The following GABBR2 variants were observed in gnomAD, a reference collection of about 807,000 sequenced individuals.
The protein encoded by GABBR2 is gamma-aminobutyric acid type B receptor subunit 2, also known as G-protein coupled receptor 51.
In GABBR2, 23 loss-of-function variants were observed where a neutral mutation model predicts 105.6. The observed-to-expected ratio is 0.22, with a 90% CI of 0.16 to 0.31. The LOEUF (loss-of-function observed/expected upper bound fraction) is 0.31. Among genes scored for constraint, GABBR2 ranks in the 10% least tolerant of loss-of-function variants. GABBR2 has a pLI of 1.00. For missense variants in GABBR2, 734 were observed against 1,245.5 expected, an observed-to-expected ratio of 0.59 and a Z score of 6.18; for synonymous variants, 478 against 499.7, an observed-to-expected ratio of 0.96 and a Z score of 0.58.
chr9:98,678,034 C>T (rs4743264), intron 1 of GABBR2, among the ~76,000 whole-genome samples: 32,818 of 152,084 alleles, frequency 0.22, 3,819 homozygotes, highest in Middle Eastern at 0.36. Flanking sequence ...TTTATCAGCA[C>T]GCAAGCTCTC....
intron 8 of GABBR2, among the ~76,000 whole-genome samples, chr9:98,401,390 T>C (rs745596102): frequency 6.6e-6 from 1 of 151,682 alleles, no homozygotes; most frequent in African/African-American, 2.4e-5. Context: ...ACATGGAGAG[T>C]CGATGGCTCA....
At chr9:98,559,523 T>C (rs2131758994) in intron 2 of GABBR2, among the ~76,000 whole-genome samples, 1 of 152,246 alleles carries the variant, frequency 6.6e-6, no homozygotes, top group East Asian at 1.9e-4. Flanking sequence ...AATCAGCCTC[T>C]TTCACAAAGA....
chr9:98,297,085 C>T (rs116067265), intron 17 of GABBR2, among the ~76,000 whole-genome samples: 2 of 152,060 alleles, frequency 1.3e-5, no homozygotes, highest in South Asian at 2.1e-4. Flanking sequence ...TTAGGATCTA[C>T]CTTATTCTCC....
At chr9:98,684,020 A>C (rs1830586603) in intron 1 of GABBR2, among the ~76,000 whole-genome samples, 4 of 99,850 alleles carry the variant, frequency 4.0e-5, no homozygotes, top group Admixed American at 8.6e-5. Flanking sequence ...AAAAAAAAAA[A>C]AAAAAAAAAA....
At chr9:98,480,829 A>G (rs934042210) in intron 5 of GABBR2, 103 bp downstream of exon 5, 6 of 755,396 alleles carry the variant, frequency 7.9e-6, no homozygotes, top group Non-Finnish European at 1.5e-5. Context: ...CCCAGGCTCC[A>G]GTCCTGTGAT....
At chr9:98,406,220 A>AAT in intron 7 of GABBR2, 79 bp from the exon 8 acceptor site, 2 of 754,326 alleles carry the variant, frequency 2.7e-6, no homozygotes. Context: ...ATCTCACAGC[A>AAT]ATTCATTAAC....
chr9:98,549,668 T>C (rs1828452184), intron 2 of GABBR2, among the ~76,000 whole-genome samples: 1 of 152,134 alleles, frequency 6.6e-6, no homozygotes, highest in African/African-American at 2.4e-5. Context: ...TGAATGGGGT[T>C]TTTGCCCACC....
At chr9:98,519,846 T>C (rs1199757228) in intron 3 of GABBR2, among the ~76,000 whole-genome samples, 1 of 152,036 alleles carries the variant, frequency 6.6e-6, no homozygotes, top group Non-Finnish European at 1.5e-5. Flanking sequence ...TATGTTCCAA[T>C]AAAACTTTAT....
Position 98,500,079 on chromosome 9 carries a change from C to G in GABBR2, c.631-3565G>C, listed in dbSNP as rs117454098. ...AACAACAACAGCAACAACAAACAGA[C>G]GAAAACAAAAAAAACTGGAGCCAAT... is the stretch of plus-strand genomic sequence containing the variant. On this transcript the variant is annotated intron_variant, in intron 3 of 18. Coordinates refer to ENST00000259455, the MANE Select transcript of GABBR2 (RefSeq NM_005458.8). 6.2e-3 allele frequency among the ~76,000 whole-genome samples: 943 copies of G among 152,084 alleles called. 7 individuals are homozygous for G. The highest frequency in any genetic ancestry group is 8.8e-3 in the Admixed American group (135 of 15,286).
At chr9:98,291,261 C>T (rs1006413010) in intron 18 of GABBR2, among the ~76,000 whole-genome samples, 2 of 152,184 alleles carry the variant, frequency 1.3e-5, no homozygotes, top group East Asian at 3.8e-4. Context: ...ATGCAATTTA[C>T]TGAATACTGT....
intron 3 of GABBR2, among the ~76,000 whole-genome samples, chr9:98,527,105 T>TAC (rs1456432319): frequency 1.4e-5 from 2 of 146,928 alleles, no homozygotes; most frequent in Non-Finnish European, 3.0e-5. Flanking sequence ...ATAATATATA[T>TAC]ATTATATATA....
At chr9:98,397,421 A>T (rs1201848572) in intron 8 of GABBR2, among the ~76,000 whole-genome samples, 7 of 150,076 alleles carry the variant, frequency 4.7e-5, no homozygotes, top group Admixed American at 4.0e-4. Flanking sequence ...TTTTTTTTTT[A>T]AATCACAATT....
At chr9:98,310,974 CAG>C in intron 14 of GABBR2, 119 bp downstream of exon 14, 1 of 627,736 alleles carries the variant, frequency 1.6e-6, no homozygotes, top group South Asian at 1.9e-5. Context: ...ACTGAGTCCA[CAG>C]AGAGTAACTG....
Position 98,454,094 on chromosome 9 carries a change from T to C in GABBR2, c.1123A>G (p.Thr375Ala). The change falls in exon 7 of 19, where the codon ACA (threonine) becomes GCA (alanine). Residue 375 changes from threonine to alanine, a missense_variant. Thr to Ala is a moderately conservative substitution (Grantham distance 58, BLOSUM62 0). Coordinates refer to ENST00000259455, the MANE Select transcript of GABBR2 (RefSeq NM_005458.8). The surrounding 1 kb of genome is among the most constrained non-coding windows in gnomAD (Gnocchi z 4.6). Reference sequence around the variant, plus strand: ...TGGTGCCGGCTGCTGGCATGCAGTGTCTCCATGGCCCTCTGCAGTGTCTTG... The same window carrying C: ...TGGTGCCGGCTGCTGGCATGCAGTGCCTCCATGGCCCTCTGCAGTGTCTTG... ...IAKTLQRAME[T>A]LHASSRHQRI... The C allele has an allele frequency of 6.2e-7, 1 of 1,613,966 alleles. No homozygotes were observed. The highest frequency in any genetic ancestry group is 8.5e-7 in the Non-Finnish European group (1 of 1,179,844).
At chr9:98,433,356 T>G (rs1825846069) in intron 7 of GABBR2, among the ~76,000 whole-genome samples, 1 of 152,212 alleles carries the variant, frequency 6.6e-6, no homozygotes, top group South Asian at 2.1e-4. Flanking sequence ...TGTAAAGACA[T>G]GTACACATAC....
intron 2 of GABBR2, among the ~76,000 whole-genome samples, chr9:98,570,464 G>A (rs868031987): frequency 1.3e-5 from 2 of 152,180 alleles, no homozygotes; most frequent in Non-Finnish European, 2.9e-5. Flanking sequence ...CTGAAGCTGC[G>A]ATAATCTCAC....
chr9:98,674,946 C>A (rs1373739678), intron 1 of GABBR2, among the ~76,000 whole-genome samples: 2 of 152,132 alleles, frequency 1.3e-5, no homozygotes. Context: ...GCAGGAGTCC[C>A]AAGGACTAGT....
chr9:98,655,900 G>T (rs1830177522), intron 1 of GABBR2, among the ~76,000 whole-genome samples: 1 of 151,856 alleles, frequency 6.6e-6, no homozygotes, highest in South Asian at 2.1e-4. Context: ...CGGGTTGATG[G>T]GTGCAGCAAA....
intron 14 of GABBR2, among the ~76,000 whole-genome samples, chr9:98,309,668 T>A (rs1830606861): frequency 6.6e-6 from 1 of 152,198 alleles, no homozygotes. Flanking sequence ...TGTGTCCTTG[T>A]CCAAACCCAG....
Sources: allele counts gnomAD v4.1 joint callset (sites outside exome capture counted in the v4.1 genomes callset), GRCh38; gene constraint gnomAD v4.1.1; non-coding constraint Gnocchi (gnomAD v3.1); transcripts MANE v1.5; gene names NCBI Gene and HGNC (gene_info 2026-07-23, HGNC 2026-07-21).